ZNF737: variants seen among roughly 807,000 people sequenced by gnomAD.
ZNF737 encodes zinc finger protein 102 (Y3).
Under a neutral mutation model 11.7 loss-of-function variants are expected in ZNF737, and 13 were observed. The ratio of observed to expected loss-of-function variants is 1.11; its 90% confidence interval spans 0.73 to 1.77. The LOEUF (loss-of-function observed/expected upper bound fraction) is 1.77. ZNF737 is among the 40% of genes most tolerant of loss of function. ZNF737 has a pLI of 0.00. For missense variants in ZNF737, 636 were observed against 638.0 expected, an observed-to-expected ratio of 1.00 and a Z score of 0.03; for synonymous variants, 217 against 216.2, an observed-to-expected ratio of 1.00 and a Z score of -0.03.
intron 3 of ZNF737, among the ~76,000 whole-genome samples, chr19:20,551,868 G>A (rs1265334550): frequency 8.1e-5 from 12 of 148,440 alleles, no homozygotes; most frequent in Non-Finnish European, 1.2e-4. Context: ...TTGCATAAAC[G>A]TCCTGTCAAA....
Position 20,545,830 on chromosome 19 carries a change from C to T in ZNF737, c.373G>A (p.Val125Met), listed in dbSNP as rs9653154. 4 of 1,613,440 alleles carry T rather than the reference C, an allele frequency of 2.5e-6. No homozygotes were observed. Among genetic ancestry groups the T allele is most frequent in the East Asian group, 2.2e-5 (1 of 44,854 alleles). The change falls in exon 4 of 4, where the codon GTG becomes ATG. Residue 125 changes from valine (V) to methionine (M), a missense_variant. Coordinates refer to ENST00000427401, the MANE Select transcript of ZNF737 (RefSeq NM_001159293.2). The stretch of plus-strand genomic sequence containing the variant: ...AGTCCATTATAACCTCTTTTGTGCA[C>T]CTTACACTCATCTACACTTTCACAG... ...KGCESVDECK[V>M]HKRGYNGLNQ...
At chr19:20,563,646 C>T (rs1422875594) in intron 1 of ZNF737, among the ~76,000 whole-genome samples, 30 of 151,696 alleles carry the variant, frequency 2.0e-4, no homozygotes, top group Admixed American at 2.0e-4. Flanking sequence ...CCACCACACC[C>T]GGCTAATTTT....
At chr19:20,560,875 C>T (rs1969066119) in intron 1 of ZNF737, among the ~76,000 whole-genome samples, 1 of 152,096 alleles carries the variant, frequency 6.6e-6, no homozygotes, top group Non-Finnish European at 1.5e-5. Flanking sequence ...AATAAGAACA[C>T]ACAAACACAA....
intron 1 of ZNF737, among the ~76,000 whole-genome samples, chr19:20,565,327 C>T (rs1277116692): frequency 2.6e-5 from 4 of 152,182 alleles, no homozygotes; most frequent in Admixed American, 6.5e-5. Flanking sequence ...TCAGGATTCT[C>T]CCCTGACGAC....
rs1218645653 is a variant in ZNF737 at position 20,538,105 on chromosome 19, C to T, written c.*6487G>A. On this transcript the variant is annotated 3_prime_UTR_variant, in exon 4 of 4. Transcript: ENST00000427401. ...AGTGTAAAAAGTGAAGTAGAGGTTC[C>T]TCTTCAAAGACTTTTCTACCTAATT... is the stretch of plus-strand genomic sequence containing the variant. 5 of 907,016 alleles carry T rather than the reference C, an allele frequency of 5.5e-6. No homozygotes were observed. Among genetic ancestry groups the T allele is most frequent in the Non-Finnish European group, 6.6e-6 (5 of 758,762 alleles). The allele number at this position is 907,016 out of a possible 1,614,324, so 56.2% of individuals were successfully genotyped here.
chr19:20,534,371 T>G (rs1967901678), downstream of ZNF737, among the ~76,000 whole-genome samples: 1 of 149,780 alleles, frequency 6.7e-6, no homozygotes, highest in Non-Finnish European at 1.5e-5. Context: ...TAACCAGGGA[T>G]GTGGAGGTTG....
At chr19:20,552,408 G>C (rs1555758726) in intron 3 of ZNF737, 67 bp downstream of exon 3, 4 of 1,150,508 alleles carry the variant, frequency 3.5e-6, no homozygotes, top group African/African-American at 1.6e-5. Context: ...TTAAGGACTG[G>C]CTTTCTCTTT....
chr19:20,552,377 C>T, intron 3 of ZNF737, 98 bp downstream of exon 3: 1 of 804,804 alleles, frequency 1.2e-6, no homozygotes, highest in Non-Finnish European at 1.8e-6. Context: ...TTCTTTGGAG[C>T]ACAGCTTCCC....
intron 1 of ZNF737, among the ~76,000 whole-genome samples, chr19:20,564,849 T>C (rs1160663880): frequency 1.3e-5 from 2 of 151,964 alleles, no homozygotes; most frequent in African/African-American, 4.8e-5. Context: ...CTCATGTGCA[T>C]TTTTTGGGAA....
chr19:20,547,914 G>A (rs1409381929), intron 3 of ZNF737, among the ~76,000 whole-genome samples: 1 of 152,094 alleles, frequency 6.6e-6, no homozygotes, highest in African/African-American at 2.4e-5. Flanking sequence ...AGTTTGGGAG[G>A]CTGAGGTGGG....
rs1371914263 is a variant in ZNF737, at chr19:20,541,328, TTAACTC to T, written c.*3258_*3263del. The T allele has an allele frequency of 1.2e-5, 12 of 982,886 alleles. No individual in the cohort carries two copies. In the East Asian group the frequency reaches 1.2e-3, roughly 102 times the overall value. The allele number at this position is 982,886 out of a possible 1,614,324, so 60.9% of individuals were successfully genotyped here. ...TATCTTCAGAGTAATATGTGTATAT[TTAACTC>T]TATGTAAATTAAAACTAAAAGTCTA... On this transcript the variant is annotated 3_prime_UTR_variant, in exon 4 of 4. Coordinates refer to ENST00000427401, the MANE Select transcript of ZNF737 (RefSeq NM_001159293.2).
In ZNF737 at chr19:20,552,443, C is replaced by T. The variant is rs781935290; in HGVS notation, c.226+32G>A. 2.5e-5 allele frequency: 37 copies of T among 1,479,856 alleles called. 1 individual carries two copies. The highest frequency in any genetic ancestry group is 4.8e-5 in the East Asian group (2 of 41,442). The allele number at this position is 1,479,856 out of a possible 1,614,324, so 91.7% of individuals were successfully genotyped here. On this transcript the variant is annotated intron_variant, in intron 3 of 3. Coordinates refer to ENST00000427401, the MANE Select transcript of ZNF737 (RefSeq NM_001159293.2). The stretch of plus-strand genomic sequence containing the variant: ...TGACTTTGGGACCTCTTATCTGTGT[C>T]GTCTGCTATATTCATTTTCACTTGC...
At chr19:20,564,207 T>G (rs1969212149) in intron 1 of ZNF737, 1 of 152,030 alleles carries the variant, frequency 6.6e-6, no homozygotes, top group Admixed American at 6.6e-5. Context: ...AAAAAATTAG[T>G]CATATGGGAA....
Position 20,540,132 on chromosome 19 carries a change from G to A in ZNF737, c.*4460C>T, listed in dbSNP as rs1555754788. ...ATGGAGGAGGCAGAAATGATGGCAA[G>A]ATACAAACATTTTTCCCGCCATGTG... On this transcript the variant is annotated 3_prime_UTR_variant, in exon 4 of 4. Coordinates refer to ENST00000427401, the MANE Select transcript of ZNF737 (RefSeq NM_001159293.2). 1 of 985,238 alleles carries A rather than the reference G, an allele frequency of 1.0e-6. No homozygotes were observed. Among genetic ancestry groups the A allele is most frequent in the Non-Finnish European group, 1.2e-6 (1 of 829,924 alleles). 61.0% of individuals were successfully genotyped at this position (985,238 alleles called of 1,614,324 possible).
rs1339481012 is a variant in ZNF737 at position 20,540,874 on chromosome 19, G to A, written c.*3718C>T. 1 of 953,060 alleles carries A rather than the reference G, an allele frequency of 1.0e-6. No homozygotes were observed. Among genetic ancestry groups the A allele is most frequent in the African/African-American group, 1.8e-5 (1 of 56,416 alleles). The allele number at this position is 953,060 out of a possible 1,614,324, so 59.0% of individuals were successfully genotyped here. On this transcript the variant is annotated 3_prime_UTR_variant, in exon 4 of 4. Coordinates refer to ENST00000427401, the MANE Select transcript of ZNF737 (RefSeq NM_001159293.2). ...ATTCATTACAAATAACTATTTTTCT[G>A]GCTTAAATTATTTTTTATGCACCAT...
At chr19:20,561,723 C>G (rs1425372000) in intron 1 of ZNF737, among the ~76,000 whole-genome samples, 4 of 151,846 alleles carry the variant, frequency 2.6e-5, no homozygotes, top group Non-Finnish European at 5.9e-5. Context: ...CAACACAGAC[C>G]CTGATTCAGG....
In ZNF737 at chr19:20,551,887, GT is replaced by G. The variant is rs200893537; in HGVS notation, c.226+587del. On this transcript the variant is annotated intron_variant, in intron 3 of 3. Coordinates refer to ENST00000427401, the MANE Select transcript of ZNF737 (RefSeq NM_001159293.2). ...ATAAACGTCCTGTCAAAATTGCAGT[GT>G]TTTTTTTTTACAGAAATGGAAAATA... 2.1e-3 allele frequency among the ~76,000 whole-genome samples: 288 copies of G among 139,914 alleles called. 1 individual carries two copies. Among genetic ancestry groups the G allele is most frequent in the Non-Finnish European group, 3.1e-3 (204 of 65,290 alleles). 91.8% of individuals were successfully genotyped at this position (139,914 alleles called of 152,430 possible). A position where few individuals can be genotyped will look rare whatever the true frequency, so the allele number is the denominator to read the frequency against.
Position 20,541,786 on chromosome 19 carries a change from A to G in ZNF737, c.*2806T>C, listed in dbSNP as rs1968216414. On this transcript the variant is annotated 3_prime_UTR_variant, in exon 4 of 4. Coordinates refer to ENST00000427401, the MANE Select transcript of ZNF737 (RefSeq NM_001159293.2). ...CATAGAAATAATTCTGTAGTCAATA[A>G]CAATTTAATTGTACATTTTAAAATG... 1.3e-5 allele frequency among the ~76,000 whole-genome samples: 2 copies of G among 152,180 alleles called. No homozygotes were observed. The highest frequency in any genetic ancestry group is 2.9e-5 in the Non-Finnish European group (2 of 68,036).
Position 20,541,615 on chromosome 19 carries a change from A to G in ZNF737, c.*2977T>C, listed in dbSNP as rs182265853. Among the ~76,000 whole-genome samples, 262 of 152,154 alleles carry G rather than the reference A, an allele frequency of 1.7e-3. No individual in the cohort carries two copies. The highest frequency in any genetic ancestry group is 5.9e-3 in the African/African-American group (246 of 41,526). On this transcript the variant is annotated 3_prime_UTR_variant, in exon 4 of 4. Transcript: ENST00000427401. Reference sequence around the variant, plus strand: ...TAATTTTTGTGTTTTTAGTAGAGACAAGGTTTCACCACGTTGGCCAGGCTG... The same window carrying G: ...TAATTTTTGTGTTTTTAGTAGAGACGAGGTTTCACCACGTTGGCCAGGCTG...
Sources: allele counts gnomAD v4.1 joint callset (sites outside exome capture counted in the v4.1 genomes callset), GRCh38; gene constraint gnomAD v4.1.1; transcripts MANE v1.5; gene names NCBI Gene and HGNC (gene_info 2026-07-23, HGNC 2026-07-21).